Variants in HEATR4 observed in about 807,000 individuals in gnomAD.
HEATR4 encodes HEAT repeat containing 4.
Under a neutral mutation model 108.8 loss-of-function variants are expected in HEATR4, and 95 were observed. The ratio of observed to expected loss-of-function variants is 0.87; its 90% CI spans 0.74 to 1.04. The LOEUF is 1.04. Among genes scored for constraint, HEATR4 ranks in the 50% least tolerant of loss-of-function variants. The pLI, the probability that HEATR4 is intolerant of heterozygous loss-of-function variation, is 0.00. For synonymous variants in HEATR4, 443 were observed against 459.4 expected, an observed-to-expected ratio of 0.96 and a Z score of 0.46; for missense variants, 1,152 against 1,253.8, an observed-to-expected ratio of 0.92 and a Z score of 1.23.
rs1409953245 is a variant in HEATR4 at position 73,508,432 on chromosome 14, T to G, written c.1721-138A>C. 4 of 710,096 alleles carry G rather than the reference T, an allele frequency of 5.6e-6. No individual in the cohort carries two copies. In the East Asian group the frequency reaches 1.1e-4, roughly 19 times the overall value. The allele number at this position is 710,096 out of a possible 1,614,324, so 44.0% of individuals were successfully genotyped here. ...TGCCCCACTCAGTCTAGAAATACAA[T>G]TTCTTATTTAAACCATATTGAGAAG... On this transcript the variant is annotated intron_variant, in intron 8 of 17. Transcript: ENST00000553558.
At chr14:73,523,781 C>G (rs1054232257) in intron 2 of HEATR4, among the ~76,000 whole-genome samples, 2 of 152,188 alleles carry the variant, frequency 1.3e-5, no homozygotes, top group Non-Finnish European at 2.9e-5. Flanking sequence ...TGCTCCATAA[C>G]TCTTTCTTGA....
At chr14:73,595,752 T>C in the HEATR4 span, 2 of 1,356,794 alleles carry the variant, frequency 1.5e-6, no homozygotes, top group East Asian at 2.4e-5. Flanking sequence ...ATTAAAGCCA[T>C]GTCTTTGTCA....
intron 4 of HEATR4, 109 bp from the exon 5 acceptor site, chr14:73,519,272 G>A (rs1887824990): frequency 8.9e-7 from 1 of 1,126,262 alleles, no homozygotes. Context: ...CCTAATCTAA[G>A]CCCCTAGGAT....
chr14:73,507,553 C>T (rs1225522833), intron 9 of HEATR4, among the ~76,000 whole-genome samples: 2 of 152,032 alleles, frequency 1.3e-5, no homozygotes, highest in African/African-American at 2.4e-5. Flanking sequence ...CCCACCTCAG[C>T]CTCTTGAGTA....
At chr14:73,579,254 C>A in the HEATR4 span, among the ~76,000 whole-genome samples, 1 of 86,708 alleles carries the variant, frequency 1.2e-5, no homozygotes, top group African/African-American at 4.9e-5. Flanking sequence ...GAAATTCCGT[C>A]TCAAAAAAAT....
chr14:73,569,693 T>G, the HEATR4 span: 2 of 1,609,958 alleles, frequency 1.2e-6, no homozygotes, highest in East Asian at 4.5e-5. Flanking sequence ...CCGAGAAACC[T>G]TTGGTGCGGC....
At chr14:73,573,572 C>T in the HEATR4 span, 8 of 1,613,756 alleles carry the variant, frequency 5.0e-6, 1 homozygote, top group East Asian at 2.2e-5. Flanking sequence ...CCATGAACTA[C>T]TTGCTCAGTC....
At chr14:73,608,906 TG>T in the HEATR4 span, among the ~76,000 whole-genome samples, 3 of 152,138 alleles carry the variant, frequency 2.0e-5, no homozygotes, top group Non-Finnish European at 4.4e-5. Flanking sequence ...CAAAAAGTGC[TG>T]AGCAAAAGGG....
chr14:73,596,970 G>A, the HEATR4 span, among the ~76,000 whole-genome samples: 1 of 152,066 alleles, frequency 6.6e-6, no homozygotes, highest in African/African-American at 2.4e-5. Context: ...TGATGTCAAA[G>A]ACATCAAGCC....
chr14:73,509,810 C>CTATATATA lies in HEATR4; in HGVS notation c.1559-338_1559-337insTATATATA, dbSNP rs1887091045. Among the ~76,000 whole-genome samples the CTATATATA allele has an allele frequency of 7.6e-4, 48 of 63,194 alleles. 12 individuals are homozygous for CTATATATA. The highest frequency in any genetic ancestry group is 1.2e-3 in the Admixed American group (5 of 4,306). The allele number at this position is 63,194 out of a possible 152,430, so 41.5% of individuals were successfully genotyped here. ...AAAGCAACCAATTTGCCCCATGAGC[C>CTATATATA]CATATATATATATATATATATATAT... On this transcript the variant is annotated intron_variant, in intron 7 of 17. Transcript: ENST00000553558.
chr14:73,588,402 G>A, the HEATR4 span, among the ~76,000 whole-genome samples: 1 of 152,090 alleles, frequency 6.6e-6, no homozygotes, highest in South Asian at 2.1e-4. Context: ...TCAGGTACCT[G>A]CTCAGCATGT....
intron 1 of HEATR4, 152 bp from the exon 2 acceptor site, chr14:73,530,396 C>T (rs1888635693): frequency 7.6e-6 from 1 of 130,846 alleles, no homozygotes; most frequent in Admixed American, 8.4e-5. Flanking sequence ...AAAGCACAGC[C>T]CAAAGGGTGT....
the HEATR4 span, among the ~76,000 whole-genome samples, chr14:73,593,499 G>T: frequency 6.8e-6 from 1 of 147,274 alleles, no homozygotes; most frequent in Non-Finnish European, 1.5e-5. Context: ...CCACCACACT[G>T]ACTAATTAAA....
the HEATR4 span, chr14:73,612,818 G>A: frequency 1.4e-6 from 2 of 1,424,326 alleles, no homozygotes; most frequent in Non-Finnish European, 1.9e-6. Flanking sequence ...GCTGCTGTGG[G>A]CGTTGGAGCC....
the HEATR4 span, chr14:73,573,701 C>G: frequency 1.6e-6 from 2 of 1,254,136 alleles, no homozygotes; most frequent in East Asian, 4.7e-5. Context: ...TACCCCAACA[C>G]ACACTACCTT....
At chr14:73,479,337 A>G (rs1885149097) in intron 17 of HEATR4, among the ~76,000 whole-genome samples, 1 of 151,788 alleles carries the variant, frequency 6.6e-6, no homozygotes, top group African/African-American at 2.4e-5. Flanking sequence ...GGAGGGTCTC[A>G]ATCTCCTGAC....
At chr14:73,500,315 G>A (rs555939788) in intron 12 of HEATR4, among the ~76,000 whole-genome samples, 12 of 149,430 alleles carry the variant, frequency 8.0e-5, no homozygotes, top group Non-Finnish European at 1.6e-4. Flanking sequence ...ACTATCGTTA[G>A]TGTTAGTGTA....
At chr14:73,569,893 C>T in the HEATR4 span, 11 of 1,600,802 alleles carry the variant, frequency 6.9e-6, 1 homozygote, top group African/African-American at 5.4e-5. Flanking sequence ...GGTGACTCAC[C>T]TCCGCTAATT....
the HEATR4 span, among the ~76,000 whole-genome samples, chr14:73,618,154 CCAACAA>C: frequency 6.6e-5 from 10 of 152,002 alleles, no homozygotes; most frequent in South Asian, 1.7e-3. Flanking sequence ...AAAAAAAAAC[CCAACAA>C]CAACAACGAC....
Sources: allele counts gnomAD v4.1 joint callset (sites outside exome capture counted in the v4.1 genomes callset), GRCh38; gene constraint gnomAD v4.1.1; transcripts MANE v1.5; gene names NCBI Gene and HGNC (gene_info 2026-07-23, HGNC 2026-07-21).